Variants in TMOD2 observed in about 807,000 individuals in gnomAD.
The protein encoded by TMOD2 is tropomodulin-2.
TMOD2 carries 22 observed loss-of-function variants against 39.9 expected under a neutral mutation model. That is an observed-to-expected ratio of 0.55 (90% CI 0.39 to 0.79). The LOEUF (loss-of-function observed/expected upper bound fraction) is 0.79, where lower values mean the gene tolerates loss of function less well. TMOD2 is among the 30% of genes least tolerant of loss of function. The pLI, the probability that TMOD2 is intolerant of heterozygous loss-of-function variation, is 0.00. For synonymous variants in TMOD2, 123 were observed against 146.1 expected (o/e 0.84, Z 1.14); for missense variants, 386 against 413.3 (o/e 0.93, Z 0.57).
intron 5 of TMOD2, 148 bp downstream of exon 5, chr15:51,777,166 C>T (rs754034906): frequency 6.9e-5 from 45 of 648,626 alleles, no homozygotes; most frequent in Non-Finnish European, 1.1e-4. Flanking sequence ...CAGAACAGAG[C>T]AGCTGACAAT....
intron 5 of TMOD2, among the ~76,000 whole-genome samples, chr15:51,780,838 A>G (rs1406422421): frequency 6.6e-6 from 1 of 152,144 alleles, no homozygotes; most frequent in African/African-American, 2.4e-5. Flanking sequence ...GGGAATTCTC[A>G]TTGCAGTTGA....
chr15:51,796,480 T>A (rs2056052190), intron 7 of TMOD2, among the ~76,000 whole-genome samples: 1 of 152,124 alleles, frequency 6.6e-6, no homozygotes, highest in South Asian at 2.1e-4. Flanking sequence ...TAGGAGGACT[T>A]CATTCTGGGA....
At chr15:51,777,930 G>A (rs2055900280) in intron 5 of TMOD2, among the ~76,000 whole-genome samples, 1 of 151,848 alleles carries the variant, frequency 6.6e-6, no homozygotes. Context: ...TCAGTGTGGC[G>A]ATTCCTCAGG....
intron 8 of TMOD2, among the ~76,000 whole-genome samples, chr15:51,803,190 T>TTTTTTTTTTTTG (rs1555463181): frequency 3.4e-5 from 5 of 148,852 alleles, no homozygotes; most frequent in African/African-American, 1.0e-4. Flanking sequence ...TTTTTTTTTT[T>TTTTTTTTTTTTG]TCTTTTTGAG....
At chr15:51,783,036 C>T in intron 7 of TMOD2, 1 of 544,328 alleles carries the variant, frequency 1.8e-6, no homozygotes, top group Middle Eastern at 4.9e-4. Flanking sequence ...GTCAGCATTA[C>T]AGTTTTCAGA....
chr15:51,791,841 A>G (rs1332512160), intron 7 of TMOD2, among the ~76,000 whole-genome samples: 1 of 152,264 alleles, frequency 6.6e-6, no homozygotes, highest in Non-Finnish European at 1.5e-5. Context: ...CTTACAGCTT[A>G]TACAAAAATA....
Position 51,798,269 on chromosome 15 carries a change from A to C in TMOD2, c.805A>C (p.Thr269Pro). 1 of 1,614,002 alleles carries C rather than the reference A, an allele frequency of 6.2e-7. No homozygotes were observed. The highest frequency in any genetic ancestry group is 8.5e-7 in the Non-Finnish European group (1 of 1,179,972). ...CATAGAATCCAATTTTATCACTGGAACTGGGATCCTGGCCCTGGTAGAGGC... is the reference window on the plus strand; with the variant it reads ...CATAGAATCCAATTTTATCACTGGACCTGGGATCCTGGCCCTGGTAGAGGC... ...LNIESNFITG[T>P]GILALVEALK... is the part of the protein sequence containing the mutation. Residue 269 changes from threonine to proline, a missense_variant, in exon 8 of 10, where the codon ACT (threonine) becomes CCT (proline). Physicochemically the swap from Thr to Pro is conservative, Grantham distance 38. Coordinates refer to ENST00000249700, the MANE Select transcript of TMOD2 (RefSeq NM_014548.4).
At chr15:51,796,677 T>A (rs1473744359) in intron 7 of TMOD2, among the ~76,000 whole-genome samples, 1 of 152,228 alleles carries the variant, frequency 6.6e-6, no homozygotes, top group Non-Finnish European at 1.5e-5. Flanking sequence ...AGAACAATTA[T>A]AATAACAATA....
chr15:51,801,270 CACACACACACACA>C (rs2056087073), intron 8 of TMOD2, among the ~76,000 whole-genome samples: 2 of 141,232 alleles, frequency 1.4e-5, no homozygotes, highest in African/African-American at 5.3e-5. Flanking sequence ...CACACACACA[CACACACACACACA>C]CCCTGTCTCT....
intron 1 of TMOD2, among the ~76,000 whole-genome samples, chr15:51,758,363 G>A (rs1361894893): frequency 6.6e-6 from 1 of 152,168 alleles, no homozygotes; most frequent in African/African-American, 2.4e-5. Flanking sequence ...TACATGAAAA[G>A]ATAGCAAGAT....
At chr15:51,767,076 A>G in intron 2 of TMOD2, 1 of 151,680 alleles carries the variant, frequency 6.6e-6, no homozygotes, top group South Asian at 2.1e-4. Context: ...CCCAGGCTGG[A>G]GTGCCGTGGC....
At position 51,773,804 on chromosome 15, in the gene TMOD2, G is replaced by A. The variant is rs200210345; in HGVS notation, c.376G>A (p.Ala126Thr). ...AGAACTGGAAGAAGCTTTGGCCAGT[G>A]CCTCTGACACCGAACTCTATGATCT... ...DPELEEALAS[A>T]SDTELYDLAA... Residue 126 changes from alanine (A) to threonine (T), a missense_variant, in exon 4 of 10, where the codon GCC becomes ACC. Ala to Thr is a moderately conservative substitution (Grantham distance 58). Transcript: ENST00000249700. The A allele has an allele frequency of 2.5e-5, 41 of 1,612,732 alleles. No homozygotes were observed. The highest frequency in any genetic ancestry group is 3.5e-5 in the Non-Finnish European group (41 of 1,179,632).
chr15:51,768,893 G>T (rs954169093), intron 3 of TMOD2, among the ~76,000 whole-genome samples: 2 of 152,082 alleles, frequency 1.3e-5, no homozygotes, highest in African/African-American at 4.8e-5. Context: ...AACTGGAGTC[G>T]GTGTTAAAAA....
chr15:51,785,372 A>G (rs1421377141), intron 7 of TMOD2, among the ~76,000 whole-genome samples: 1 of 143,750 alleles, frequency 7.0e-6, no homozygotes, highest in Non-Finnish European at 1.5e-5. Context: ...AGATGGCGCC[A>G]CTGCACTCCA....
intron 1 of TMOD2, chr15:51,752,733 C>T (rs1312444373): frequency 6.6e-6 from 1 of 152,184 alleles, no homozygotes; most frequent in Admixed American, 6.5e-5. Flanking sequence ...TTTAACAGCA[C>T]TACAAAAAGC....
chr15:51,759,364 G>T (rs1033903745), intron 1 of TMOD2, among the ~76,000 whole-genome samples: 1 of 152,118 alleles, frequency 6.6e-6, no homozygotes, highest in East Asian at 1.9e-4. Context: ...CAGGAAAAAA[G>T]TCTAGGATGA....
At chr15:51,803,763 C>G (rs1445362367) in intron 8 of TMOD2, among the ~76,000 whole-genome samples, 1 of 152,116 alleles carries the variant, frequency 6.6e-6, no homozygotes, top group African/African-American at 2.4e-5. Flanking sequence ...TTAAAAAACT[C>G]AAAATACAGG....
Position 51,776,894 on chromosome 15 carries a change from T to A in TMOD2, c.407-38T>A, listed in dbSNP as rs1202271260. ...TAACAATGTGGACATCCTAATGTGC[T>A]TCTCCAAACTTAATGCTCATTTGTT... On this transcript the variant is annotated intron_variant, in intron 4 of 9. Coordinates refer to ENST00000249700, the MANE Select transcript of TMOD2 (RefSeq NM_014548.4). 29 of 1,535,446 alleles carry A rather than the reference T, an allele frequency of 1.9e-5. No homozygotes were observed. The East Asian group carries it at 6.5e-4, about 35-fold the overall frequency.
intron 1 of TMOD2, among the ~76,000 whole-genome samples, chr15:51,753,461 G>T (rs1233006296): frequency 6.6e-6 from 1 of 152,204 alleles, no homozygotes; most frequent in Admixed American, 6.5e-5. Flanking sequence ...CGATGGGGCA[G>T]AGCAAATGGG....
Sources: allele counts gnomAD v4.1 joint callset (sites outside exome capture counted in the v4.1 genomes callset), GRCh38; gene constraint gnomAD v4.1.1; transcripts MANE v1.5; gene names NCBI Gene and HGNC (gene_info 2026-07-23, HGNC 2026-07-21).